Variants in ST7 observed in about 807,000 individuals in gnomAD.
ST7 encodes the protein suppression of tumorigenicity 7.
A neutral mutation model predicts 78.7 loss-of-function variants in ST7; 28 were observed. The observed-to-expected ratio is 0.36, with a 90% CI of 0.26 to 0.49. The LOEUF (loss-of-function observed/expected upper bound fraction) is 0.49, where lower values mean the gene tolerates loss of function less well. ST7 is among the 20% of genes least tolerant of loss of function. The pLI is 0.99. For missense variants in ST7, 418 were observed against 696.0 expected (o/e 0.60, Z 4.49); for synonymous variants, 247 against 249.6 (o/e 0.99, Z 0.10).
At chr7:117,208,923 GTGTGTGT>G in intron 12 of ST7, among the ~76,000 whole-genome samples, 1 of 151,264 alleles carries the variant, frequency 6.6e-6, no homozygotes, top group Non-Finnish European at 1.5e-5. Flanking sequence ...GTGTGTGTGT[GTGTGTGT>G]GTGTGTGTGT....
intron 4 of ST7, 111 bp downstream of exon 4, chr7:117,129,958 C>T (rs769724890): frequency 3.0e-5 from 22 of 727,158 alleles, no homozygotes; most frequent in Non-Finnish European, 4.8e-5. Flanking sequence ...CTATGTAGTG[C>T]GTCCATTTTT....
At chr7:116,997,237 A>G (rs1794704320) in intron 1 of ST7, among the ~76,000 whole-genome samples, 1 of 152,138 alleles carries the variant, frequency 6.6e-6, no homozygotes, top group Non-Finnish European at 1.5e-5. Flanking sequence ...CAAAGAGCAA[A>G]AGAACAAAGC....
chr7:117,049,647 G>A (rs540487711), intron 1 of ST7, among the ~76,000 whole-genome samples: 50 of 152,302 alleles, frequency 3.3e-4, no homozygotes, highest in Admixed American at 1.4e-3. Flanking sequence ...TGTGTTTTGT[G>A]TCTGCTGGCA....
intron 9 of ST7, among the ~76,000 whole-genome samples, chr7:117,155,705 A>G (rs938189376): frequency 3.3e-5 from 5 of 152,186 alleles, no homozygotes; most frequent in South Asian, 2.1e-4. Context: ...CTATCTCCAC[A>G]TAGCAGAGAA....
chr7:117,173,723 A>T (rs1228465355), intron 10 of ST7, among the ~76,000 whole-genome samples: 1 of 152,152 alleles, frequency 6.6e-6, no homozygotes, highest in Non-Finnish European at 1.5e-5. Flanking sequence ...CAGCAGGATT[A>T]TATGTCCTTT....
intron 1 of ST7, chr7:116,959,600 CTTTAGA>C (rs1049876244): frequency 2.2e-5 from 4 of 178,806 alleles, no homozygotes; most frequent in East Asian, 1.7e-4. Flanking sequence ...AAGTTTGCAG[CTTTAGA>C]TTGTGGTCAG....
intron 1 of ST7, among the ~76,000 whole-genome samples, chr7:117,077,413 G>A (rs1297385337): frequency 2.0e-5 from 3 of 152,136 alleles, no homozygotes. Context: ...GGAATTCTCA[G>A]TGATTTATAA....
At chr7:116,967,801 T>C (rs1161776563) in intron 1 of ST7, among the ~76,000 whole-genome samples, 1 of 152,250 alleles carries the variant, frequency 6.6e-6, no homozygotes, top group East Asian at 1.9e-4. Context: ...CCTACTATAA[T>C]ATTGACTTTG....
At position 117,215,619 on chromosome 7, in the gene ST7, C is replaced by T. The variant is rs530533006; in HGVS notation, c.1406-3465C>T. Among the ~76,000 whole-genome samples the T allele has an allele frequency of 6.6e-5, 10 of 152,314 alleles. No homozygotes were observed. The South Asian group carries it at 1.0e-3, about 16-fold the overall frequency. ...GATTAACGACCCACGCAAAGTCATA[C>T]GCTAGTGAGCCTAGGCAGGTCCTGC... is the stretch of plus-strand genomic sequence containing the variant. On this transcript the variant is annotated intron_variant, in intron 13 of 15. Transcript: ENST00000323984.
chr7:117,216,706 A>G (rs1278604500), intron 13 of ST7, among the ~76,000 whole-genome samples: 2 of 152,100 alleles, frequency 1.3e-5, no homozygotes, highest in Non-Finnish European at 2.9e-5. Context: ...CAGGGTGGGT[A>G]AAGGATAGAA....
chr7:116,972,374 G>C, intron 1 of ST7: 1 of 648,090 alleles, frequency 1.5e-6, no homozygotes, highest in Non-Finnish European at 2.8e-6. Context: ...TCTTCTTTTT[G>C]AGAGTACTTT....
In ST7 at chr7:117,129,782, C is replaced by T. The variant is rs1486061693; in HGVS notation, c.395-11C>T. On this transcript the variant is annotated splice_polypyrimidine_tract_variant and intron_variant, in intron 3 of 15. Coordinates refer to ENST00000323984, the MANE Select transcript of ST7 (RefSeq NM_001369598.1). ...TTACGCGTAACATTTTCATATTTCT[C>T]TTTGTTGCAGAATGCAAAGTATGGC... 6.2e-7 allele frequency: 1 copy of T among 1,607,226 alleles called. No individual in the cohort carries two copies. The highest frequency in any genetic ancestry group is 8.5e-7 in the Non-Finnish European group (1 of 1,175,926).
intron 1 of ST7, among the ~76,000 whole-genome samples, chr7:117,024,252 A>G (rs1197192795): frequency 1.3e-5 from 2 of 152,162 alleles, no homozygotes; most frequent in Non-Finnish European, 2.9e-5. Context: ...TGTGGAGTAA[A>G]TGGTTTTGAG....
chr7:117,166,702 A>C (rs1432700400), intron 9 of ST7, among the ~76,000 whole-genome samples: 1 of 152,082 alleles, frequency 6.6e-6, no homozygotes, highest in Non-Finnish European at 1.5e-5. Context: ...ATCCTGGCTA[A>C]CATGGTGAAA....
chr7:116,956,642 C>T (rs890889025), intron 1 of ST7: 4 of 471,016 alleles, frequency 8.5e-6, no homozygotes, highest in Non-Finnish European at 1.8e-5. Context: ...GTTCTGGAGT[C>T]ATTCTTGGAT....
intron 9 of ST7, among the ~76,000 whole-genome samples, chr7:117,156,138 T>C (rs1307596060): frequency 1.3e-5 from 2 of 152,234 alleles, no homozygotes; most frequent in African/African-American, 4.8e-5. Flanking sequence ...ATGGATTTTA[T>C]TTATTTGCTT....
chr7:116,989,798 C>G (rs1436213398), intron 1 of ST7, among the ~76,000 whole-genome samples: 2 of 152,060 alleles, frequency 1.3e-5, no homozygotes, highest in African/African-American at 4.8e-5. Flanking sequence ...TTGATTGTGC[C>G]AGTGCACTCT....
chr7:116,972,166 T>C, intron 1 of ST7: 1 of 556,542 alleles, frequency 1.8e-6, no homozygotes, highest in Non-Finnish European at 3.5e-6. Context: ...CTGGGCTTTC[T>C]ACATCTCATT....
At chr7:117,027,507 T>TAAAGGAAAGTAAAGTAAAGTAAGTAAAGA (rs1796267374) in intron 1 of ST7, among the ~76,000 whole-genome samples, 1 of 108,346 alleles carries the variant, frequency 9.2e-6, no homozygotes, top group Non-Finnish European at 2.1e-5. Flanking sequence ...GTAAGTAAAG[T>TAAAGGAAAGTAAAGTAAAGTAAGTAAAGA]AAAAAGTAAA....
Sources: gnomAD v4.1 joint callset for allele counts (sites outside exome capture counted in the v4.1 genomes callset) on GRCh38, gnomAD v4.1.1 for gene constraint, MANE v1.5 for transcripts, NCBI Gene and HGNC (gene_info 2026-07-23, HGNC 2026-07-21) for gene names.